The following F8 variants were observed in gnomAD, a reference collection of about 807,000 sequenced individuals.
The protein encoded by F8 is antihemophilic factor.
Under a neutral mutation model 140.6 loss-of-function variants are expected in F8, and 12 were observed. That is an observed-to-expected ratio of 0.09 (90% CI 0.05 to 0.14). F8 has a LOEUF of 0.14. F8 is among the 10% of genes least tolerant of loss of function. The probability of loss-of-function intolerance (pLI) is 1.00; values close to 1 mark genes in which losing one functional copy is unlikely to be tolerated. For synonymous variants in F8, 585 were observed against 614.6 expected, an observed-to-expected ratio of 0.95 and a Z score of 0.71; for missense variants, 1,354 against 1,720.7, an observed-to-expected ratio of 0.79 and a Z score of 3.77.
At chrX:154,916,885 GTTTA>G (rs2073100632) in intron 14 of F8, among the ~76,000 whole-genome samples, 1 of 110,274 alleles carries the variant, frequency 9.1e-6, no homozygotes, top group Non-Finnish European at 1.9e-5. Flanking sequence ...TCATTACCAG[GTTTA>G]TTTGAGTCTT....
At chrX:154,845,824 C>T (rs1195596455) in intron 25 of F8, among the ~76,000 whole-genome samples, 1 of 111,542 alleles carries the variant, frequency 9.0e-6, no homozygotes, top group Non-Finnish European at 1.9e-5. Context: ...TTATTTCTTG[C>T]CTTCTGCCAG....
chrX:154,920,239 C>T (rs781950018), intron 14 of F8: 1 of 107,911 alleles, frequency 9.3e-6, no homozygotes, highest in African/African-American at 3.4e-5. Context: ...ATCCTTTGAT[C>T]CTTTCTTCTT....
intron 25 of F8, among the ~76,000 whole-genome samples, chrX:154,848,465 C>T (rs1258427192): frequency 8.9e-6 from 1 of 112,789 alleles, no homozygotes; most frequent in Non-Finnish European, 1.9e-5. Context: ...GCTTTGTTTA[C>T]CTACTCAAGC....
intron 14 of F8, chrX:154,909,088 G>T: frequency 3.5e-6 from 1 of 287,271 alleles, no homozygotes; most frequent in South Asian, 3.9e-5. Context: ...ATCTTTGACA[G>T]ACACATTCTT....
intron 13 of F8, among the ~76,000 whole-genome samples, chrX:154,936,020 AC>A (rs1569559708): frequency 2.2e-4 from 24 of 109,787 alleles, no homozygotes; most frequent in East Asian, 2.0e-3. Flanking sequence ...ACACACACAC[AC>A]ACAAAAATCA....
chrX:154,861,788 A>T lies in F8; in HGVS notation c.6653T>A (p.Met2218Lys), dbSNP rs1376267823. 3 of 1,211,575 alleles carry T rather than the reference A, an allele frequency of 2.5e-6. No homozygotes were observed. The Admixed American group carries it at 6.5e-5, about 26-fold the overall frequency. ...QITASSYFTN[M>K]FATWSPSKAR... is the part of the protein sequence containing the mutation. ...TTTTGAAGGAGACCAGGTGGCAAACATATTGGTAAAGTAGGATGAAGCAGT... is the reference window on the plus strand; with the variant it reads ...TTTTGAAGGAGACCAGGTGGCAAACTTATTGGTAAAGTAGGATGAAGCAGT... Residue 2218 changes from methionine to lysine, a missense_variant, in exon 24 of 26, where the codon ATG (methionine) becomes AAG (lysine). Physicochemically the swap from Met to Lys is moderately conservative, Grantham distance 95. This residue lies in a region of F8 where 316 missense variants were observed against 485.4 expected (regional missense o/e 0.65). Transcript: ENST00000360256.
chrX:154,960,035 G>A (rs1269309723), intron 10 of F8, among the ~76,000 whole-genome samples: 2 of 111,860 alleles, frequency 1.8e-5, no homozygotes, highest in African/African-American at 6.5e-5. Flanking sequence ...AAGGTTTGGG[G>A]AAAGGAAAAG....
chrX:154,869,515 G>A (rs782709722), intron 22 of F8, among the ~76,000 whole-genome samples: 8 of 111,652 alleles, frequency 7.2e-5, no homozygotes, highest in African/African-American at 1.3e-4. Flanking sequence ...AAGACACAGC[G>A]TACCAGAATT....
At chrX:154,888,408 C>CTTTTTTTTTTTTTTTTTTTT (rs1557274896) in intron 22 of F8, among the ~76,000 whole-genome samples, 5 of 53,362 alleles carry the variant, frequency 9.4e-5, no homozygotes, top group Admixed American at 2.5e-4. Flanking sequence ...TTTTTTTTTC[C>CTTTTTTTTTTTTTTTTTTTT]CCCCGAGATG....
At position 154,969,301 on chromosome X, in the gene F8, A is replaced by C. The variant is rs782258485; in HGVS notation, c.1009+30T>G. Reference sequence around the variant, plus strand: ...ATTAAAAGTAGGACTGGATATTTATAATATTCATTTTAAAGATCCAAGATA... The same window carrying C: ...ATTAAAAGTAGGACTGGATATTTATCATATTCATTTTAAAGATCCAAGATA... On this transcript the variant is annotated intron_variant, in intron 7 of 25. Transcript: ENST00000360256. The C allele has an allele frequency of 3.9e-5, 44 of 1,140,138 alleles. No homozygotes were observed. In the Admixed American group the frequency reaches 4.2e-4, roughly 11 times the overall value. The allele number at this position is 1,140,138 out of a possible 1,213,427, so 94.0% of individuals were successfully genotyped here.
intron 22 of F8, among the ~76,000 whole-genome samples, chrX:154,868,954 A>G (rs969818709): frequency 1.3e-4 from 14 of 111,548 alleles, no homozygotes; most frequent in Non-Finnish European, 2.5e-4. Flanking sequence ...GACAAAGAAG[A>G]GCATCACATA....
chrX:154,904,160 A>T, intron 17 of F8, 72 bp from the exon 18 acceptor site: 1 of 1,139,038 alleles, frequency 8.8e-7, no homozygotes, highest in Non-Finnish European at 1.2e-6. Flanking sequence ...CACCAAAAAA[A>T]CTGACATCTA....
chrX:154,923,092 C>G (rs782768473), intron 14 of F8, among the ~76,000 whole-genome samples: 1 of 111,501 alleles, frequency 9.0e-6, no homozygotes, highest in African/African-American at 3.3e-5. Flanking sequence ...TTGGTAGTCA[C>G]TGAGGTGTAG....
intron 13 of F8, among the ~76,000 whole-genome samples, chrX:154,935,460 G>A (rs5987063): frequency 0.01 from 1,141 of 111,442 alleles, 15 homozygotes; most frequent in African/African-American, 0.035. Context: ...AAATGGTGCC[G>A]GGACAACTGG....
chrX:154,968,329 C>T (rs1482347502), intron 7 of F8, among the ~76,000 whole-genome samples: 1 of 111,122 alleles, frequency 9.0e-6, no homozygotes, highest in Non-Finnish European at 1.9e-5. Context: ...ATGCCTTCCA[C>T]CATGTTAAGA....
chrX:154,931,567 A>C lies in F8; in HGVS notation c.2223T>G (p.Ser741Arg), dbSNP rs372751955. 2.5e-6 allele frequency: 3 copies of C among 1,210,926 alleles called. No homozygotes were observed. The highest frequency in any genetic ancestry group is 3.4e-6 in the Non-Finnish European group (3 of 894,803). Residue 741 changes from serine to arginine, a missense_variant, in exon 14 of 26, where the codon AGT (serine) becomes AGG (arginine). Around this residue, in one of 4 missense-constraint regions of F8, gnomAD observed 252 missense variants for 338.5 expected, o/e 0.74. Coordinates refer to ENST00000360256, the MANE Select transcript of F8 (RefSeq NM_000132.4). Reference sequence around the variant, plus strand: ...GCAAGTATGCTGAAATATCTTCATAACTGTCCTCGTAATAATCACCAGTGT... The same window carrying C: ...GCAAGTATGCTGAAATATCTTCATACCTGTCCTCGTAATAATCACCAGTGT... ...DKNTGDYYEDSYEDISAYLLS... is the reference protein window; with the variant it reads ...DKNTGDYYEDRYEDISAYLLS...
chrX:154,861,916 A>G, intron 23 of F8, 50 bp from the exon 24 acceptor site: 1 of 1,157,345 alleles, frequency 8.6e-7, no homozygotes, highest in Non-Finnish European at 1.2e-6. Flanking sequence ...CTTCAGCCTC[A>G]GTTATACTGA....
At chrX:155,007,547 G>A (rs782358647) in intron 1 of F8, among the ~76,000 whole-genome samples, 1 of 112,176 alleles carries the variant, frequency 8.9e-6, no homozygotes, top group East Asian at 2.8e-4. Context: ...CACATAGCAG[G>A]AAGTGAGCAG....
chrX:154,941,083 A>G (rs782724527), intron 13 of F8, among the ~76,000 whole-genome samples: 14 of 112,160 alleles, frequency 1.2e-4, no homozygotes, highest in African/African-American at 4.5e-4. Flanking sequence ...AAAGACCATC[A>G]ATGCTAGGAA....
Sources: allele counts gnomAD v4.1 joint callset (sites outside exome capture counted in the v4.1 genomes callset), GRCh38; gene constraint gnomAD v4.1.1; regional missense constraint gnomAD v4.1.1; transcripts MANE v1.5; gene names NCBI Gene and HGNC (gene_info 2026-07-23, HGNC 2026-07-21).